KAZN: variants seen among roughly 807,000 people sequenced by gnomAD.
KAZN encodes kazrin, periplakin interacting protein.
Under a neutral mutation model 87.4 loss-of-function variants are expected in KAZN, and 40 were observed. That is an observed-to-expected ratio of 0.46 (90% confidence interval 0.36 to 0.60). The LOEUF (loss-of-function observed/expected upper bound fraction) is 0.60, where lower values mean the gene tolerates loss of function less well. Ranked by LOEUF, KAZN falls within the 20% of genes least tolerant of loss-of-function variation. The pLI is 0.00. For missense variants in KAZN, 898 were observed against 1,073.9 expected (o/e 0.84, Z 2.29); for synonymous variants, 466 against 458.3 (o/e 1.02, Z -0.22).
chr1:14,738,581 G>A (rs1643985926), intron 1 of KAZN, among the ~76,000 whole-genome samples: 1 of 152,144 alleles, frequency 6.6e-6, no homozygotes, highest in African/African-American at 2.4e-5. Context: ...GACCACCGGA[G>A]TTGATTGAGC....
At chr1:14,079,559 T>C (rs1643593915) in intron 1 of KAZN, among the ~76,000 whole-genome samples, 5 of 152,214 alleles carry the variant, frequency 3.3e-5, no homozygotes, top group Admixed American at 3.3e-4. Flanking sequence ...GGCCGAGGAT[T>C]ACTATATTTT....
chr1:14,971,688 T>C (rs1665060217), intron 2 of KAZN, among the ~76,000 whole-genome samples: 1 of 144,144 alleles, frequency 6.9e-6, no homozygotes, highest in African/African-American at 2.6e-5. Flanking sequence ...TTTCTTTTTT[T>C]TTTTTTTTTT....
chr1:14,002,446 T>C (rs1388639697), intron 1 of KAZN, among the ~76,000 whole-genome samples: 3 of 152,222 alleles, frequency 2.0e-5, no homozygotes, highest in Non-Finnish European at 4.4e-5. Flanking sequence ...ATCAGGGGCT[T>C]TTGCTTCTTC....
chr1:14,467,050 G>A (rs949645219), intron 2 of KAZN, among the ~76,000 whole-genome samples: 5 of 152,084 alleles, frequency 3.3e-5, no homozygotes, highest in African/African-American at 9.7e-5. Context: ...AAACATAAAA[G>A]ACAGTATAAA....
intron 2 of KAZN, among the ~76,000 whole-genome samples, chr1:14,522,084 A>G (rs2148465848): frequency 6.6e-6 from 1 of 152,294 alleles, no homozygotes; most frequent in South Asian, 2.1e-4. Context: ...ACACATTAGA[A>G]AAAGGAAAGC....
chr1:14,244,905 T>C (rs1394893630), intron 2 of KAZN, among the ~76,000 whole-genome samples: 1 of 152,058 alleles, frequency 6.6e-6, no homozygotes, highest in Non-Finnish European at 1.5e-5. Context: ...ATTGTAGTAT[T>C]CTGAGCAGAA....
intron 1 of KAZN, among the ~76,000 whole-genome samples, chr1:14,083,370 A>G (rs1643750379): frequency 6.6e-6 from 1 of 152,252 alleles, no homozygotes; most frequent in South Asian, 2.1e-4. Context: ...TCAGCTACCT[A>G]GAATTGAATT....
intron 1 of KAZN, among the ~76,000 whole-genome samples, chr1:14,071,675 A>T (rs1194893825): frequency 6.6e-6 from 1 of 151,934 alleles, no homozygotes; most frequent in South Asian, 2.1e-4. Context: ...GCTAGCGGGC[A>T]CCTCCTGCAG....
At chr1:15,075,123 G>A (rs550352152) in intron 8 of KAZN, among the ~76,000 whole-genome samples, 2 of 152,276 alleles carry the variant, frequency 1.3e-5, no homozygotes, top group East Asian at 1.9e-4. Flanking sequence ...GCTGAGAGGG[G>A]TGTCAGTGGT....
At chr1:14,033,583 T>C (rs1641418598) in intron 1 of KAZN, among the ~76,000 whole-genome samples, 1 of 152,236 alleles carries the variant, frequency 6.6e-6, no homozygotes, top group Admixed American at 6.5e-5. Flanking sequence ...GACTTTATTT[T>C]GTAAGCTATG....
intron 1 of KAZN, among the ~76,000 whole-genome samples, chr1:14,723,509 A>G (rs1294948743): frequency 6.6e-6 from 1 of 152,254 alleles, no homozygotes; most frequent in Non-Finnish European, 1.5e-5. Context: ...AGCAGTACAA[A>G]GATGATCACA....
chr1:15,029,547 C>T (rs1671479448), intron 2 of KAZN, among the ~76,000 whole-genome samples: 1 of 152,158 alleles, frequency 6.6e-6, no homozygotes, highest in East Asian at 1.9e-4. Flanking sequence ...TAAATGATAA[C>T]AAGGATGGAG....
intron 1 of KAZN, among the ~76,000 whole-genome samples, chr1:14,718,499 A>G (rs1642924220): frequency 1.3e-5 from 2 of 152,228 alleles, no homozygotes; most frequent in Non-Finnish European, 2.9e-5. Context: ...AATTGCTGAC[A>G]ATTTTCACAA....
chr1:14,688,916 G>A lies in KAZN; in HGVS notation c.226+89693G>A, dbSNP rs148965645. Among the ~76,000 whole-genome samples the A allele has an allele frequency of 1.7e-3, 254 of 152,294 alleles. 6 individuals carry two copies. The East Asian group carries it at 0.026, about 16-fold the overall frequency. On this transcript the variant is annotated intron_variant, in intron 1 of 14. Transcript: ENST00000376030. Reference sequence around the variant, plus strand: ...CCAGTAAGAGTTGATTGGTAAGGCTGGGCGCGGTGGCTCACGCCTGTAATC... The same window carrying A: ...CCAGTAAGAGTTGATTGGTAAGGCTAGGCGCGGTGGCTCACGCCTGTAATC...
chr1:14,364,030 TCTTA>T (rs1659752678), intron 2 of KAZN, among the ~76,000 whole-genome samples: 1 of 152,106 alleles, frequency 6.6e-6, no homozygotes, highest in Non-Finnish European at 1.5e-5. Context: ...TTACAATGTT[TCTTA>T]CTTTTCTTTT....
intron 1 of KAZN, among the ~76,000 whole-genome samples, chr1:13,985,363 A>C (rs1384850790): frequency 6.6e-6 from 1 of 151,868 alleles, no homozygotes; most frequent in Non-Finnish European, 1.5e-5. Context: ...ACACCATGGA[A>C]TACTATGCAG....
chr1:14,390,693 G>A (rs1662342803), intron 2 of KAZN: 1 of 152,684 alleles, frequency 6.5e-6, no homozygotes, highest in African/African-American at 2.4e-5. Flanking sequence ...CACAGTTCTG[G>A]AGGCTGGGAA....
intron 1 of KAZN, among the ~76,000 whole-genome samples, chr1:14,023,852 TCTGAAGAA>T (rs1640955250): frequency 6.6e-6 from 1 of 152,136 alleles, no homozygotes; most frequent in Non-Finnish European, 1.5e-5. Context: ...GAGATTTTCT[TCTGAAGAA>T]CTCTGACCAA....
chr1:13,985,567 G>T (rs1638976226), intron 1 of KAZN, among the ~76,000 whole-genome samples: 2 of 101,390 alleles, frequency 2.0e-5, no homozygotes, highest in South Asian at 8.7e-4. Flanking sequence ...GGGGTGGGGG[G>T]AGGGGGGAGG....
Sources: allele counts gnomAD v4.1 joint callset (sites outside exome capture counted in the v4.1 genomes callset), GRCh38; gene constraint gnomAD v4.1.1; transcripts MANE v1.5; gene names NCBI Gene and HGNC (gene_info 2026-07-23, HGNC 2026-07-21).